The following MECR variants were observed in gnomAD, a reference collection of about 807,000 sequenced individuals.
MECR encodes the protein mitochondrial trans-2-enoyl-CoA reductase, also known as enoyl-[acyl-carrier-protein] reductase, mitochondrial.
A neutral mutation model predicts 49.1 loss-of-function variants in MECR; 37 were observed. That is an observed-to-expected ratio of 0.75 (90% CI 0.58 to 0.99). The LOEUF is 0.99. Among genes scored for constraint, MECR ranks in the 50% least tolerant of loss-of-function variants. The probability of loss-of-function intolerance (pLI) is 0.00; values close to 1 mark genes in which losing one functional copy is unlikely to be tolerated. For missense variants in MECR, 470 were observed against 479.6 expected (o/e 0.98, Z 0.19); for synonymous variants, 198 against 191.1 (o/e 1.04, Z -0.30).
the MECR span, chr1:29,181,595 C>T: frequency 1.4e-6 from 2 of 1,467,706 alleles, no homozygotes; most frequent in East Asian, 2.7e-5. Context: ...GCCTCCCCAC[C>T]ACCTATGGGG....
chr1:29,199,964 T>A (rs984101425), intron 7 of MECR, among the ~76,000 whole-genome samples: 3 of 152,026 alleles, frequency 2.0e-5, no homozygotes. Flanking sequence ...TCTCACTATG[T>A]TACCCAGGCT....
At chr1:29,216,544 G>T (rs768060790) in intron 2 of MECR, 44 bp downstream of exon 2, 7 of 1,582,008 alleles carry the variant, frequency 4.4e-6, no homozygotes, top group East Asian at 2.2e-5. Context: ...GGTGGCAGCT[G>T]AACAAAAAAG....
In MECR at chr1:29,194,168, C is replaced by A. The variant is rs773374221; in HGVS notation, c.976G>T (p.Glu326Ter). 1 of 1,607,740 alleles carries A rather than the reference C, an allele frequency of 6.2e-7. No individual in the cohort carries two copies. Among genetic ancestry groups the A allele is most frequent in the Non-Finnish European group, 8.5e-7 (1 of 1,177,062 alleles). ...KKDHSPDQFK[E>*]LILTLCDLIR... is the part of the protein sequence containing the mutation. ...AGATCGCACAGTGTGAGGATCAGCT[C>A]CTTGAACTGGTCTGCGGGAGGTTGG... The change falls in exon 10 of 10, where the codon GAG (glutamate) becomes TAG (stop). Residue 326 changes from glutamate (E) to a stop codon, truncating the protein, a stop_gained. Coordinates refer to ENST00000263702, the MANE Select transcript of MECR (RefSeq NM_016011.5). LOFTEE classifies it high-confidence loss of function.
At chr1:29,191,726 T>C (rs1166055338), downstream of MECR, among the ~76,000 whole-genome samples, 1 of 152,222 alleles carries the variant, frequency 6.6e-6, no homozygotes, top group Non-Finnish European at 1.5e-5. Flanking sequence ...TGAGTCCTTT[T>C]TTCCAGCGGA....
chr1:29,205,561 G>A (rs1676361274), intron 4 of MECR, among the ~76,000 whole-genome samples: 1 of 151,814 alleles, frequency 6.6e-6, no homozygotes, highest in Admixed American at 6.6e-5. Flanking sequence ...CTGGGGGTGG[G>A]TGGCTCGCGC....
At chr1:29,168,771 G>C in the MECR span, 1 of 152,144 alleles carries the variant, frequency 6.6e-6, no homozygotes, top group Non-Finnish European at 1.5e-5. Context: ...ATGAAGACTT[G>C]GATCTAGACG....
chr1:29,205,748 T>C (rs1676419797), intron 4 of MECR, among the ~76,000 whole-genome samples: 2 of 152,002 alleles, frequency 1.3e-5, no homozygotes, highest in African/African-American at 2.4e-5. Context: ...GAGAATCCCT[T>C]GAACCCGAGA....
chr1:29,209,468 G>A (rs1022587890), intron 3 of MECR, among the ~76,000 whole-genome samples: 5 of 152,134 alleles, frequency 3.3e-5, no homozygotes, highest in Admixed American at 2.6e-4. Context: ...TTTATTGCTG[G>A]GTGAAGACTG....
intron 1 of MECR, chr1:29,223,337 C>T: frequency 3.1e-6 from 3 of 970,038 alleles, no homozygotes; most frequent in Non-Finnish European, 3.7e-6. Flanking sequence ...GAAAAGAGGC[C>T]AGTACCCTGG....
chr1:29,203,254 C>T, intron 4 of MECR, 21 bp from the exon 5 acceptor site: 1 of 1,540,750 alleles, frequency 6.5e-7, no homozygotes, highest in South Asian at 1.2e-5. Context: ...AGGAAGAGAA[C>T]CAAATCAAGC....
In MECR at chr1:29,202,720, G is replaced by A. The variant is rs529783441; in HGVS notation, c.653+411C>T. On this transcript the variant is annotated intron_variant, in intron 5 of 9. Transcript: ENST00000263702. Reference sequence around the variant, plus strand: ...CCTGTCTCCTTCACGTCTGTATTTAGCGCACTTCCAAGTACCACACAAAAG... The same window carrying A: ...CCTGTCTCCTTCACGTCTGTATTTAACGCACTTCCAAGTACCACACAAAAG... 7.2e-4 allele frequency among the ~76,000 whole-genome samples: 109 copies of A among 152,288 alleles called. 4 individuals carry two copies. In the South Asian group the frequency reaches 0.022, roughly 30 times the overall value.
intron 1 of MECR, chr1:29,224,248 T>C (rs1411724085): frequency 1.3e-5 from 2 of 152,194 alleles, no homozygotes; most frequent in Non-Finnish European, 1.5e-5. Flanking sequence ...TGCAAGCTGC[T>C]TGGATCTCTT....
At chr1:29,203,255 C>A (rs1345981052) in intron 4 of MECR, 22 bp from the exon 5 acceptor site, 1 of 1,539,056 alleles carries the variant, frequency 6.5e-7, no homozygotes, top group South Asian at 1.2e-5. Context: ...GGAAGAGAAC[C>A]AAATCAAGCC....
the MECR span, among the ~76,000 whole-genome samples, chr1:29,174,193 C>CA: frequency 0.13 from 10,160 of 78,724 alleles, 388 homozygotes; most frequent in African/African-American, 0.16. Context: ...GACCCCATCT[C>CA]AAAAAAAAAA....
At chr1:29,175,652 G>A in the MECR span, among the ~76,000 whole-genome samples, 1 of 110,182 alleles carries the variant, frequency 9.1e-6, no homozygotes, top group Non-Finnish European at 1.7e-5. Context: ...CCGAGATTGC[G>A]CCACTGCACT....
chr1:29,205,635 G>A (rs1032403472), intron 4 of MECR, among the ~76,000 whole-genome samples: 1 of 151,526 alleles, frequency 6.6e-6, no homozygotes, highest in Admixed American at 6.6e-5. Context: ...TTAGAGACCA[G>A]CCTGGCCAAT....
chr1:29,223,628 G>A (rs1681330926), intron 1 of MECR: 1 of 152,286 alleles, frequency 6.6e-6, no homozygotes, highest in Non-Finnish European at 1.5e-5. Flanking sequence ...TGTCATCACA[G>A]GGCACCGGGT....
At chr1:29,168,181 AT>A in the MECR span, among the ~76,000 whole-genome samples, 9 of 127,016 alleles carry the variant, frequency 7.1e-5, no homozygotes, top group African/African-American at 1.8e-4. Flanking sequence ...TGCCCGGCAA[AT>A]TTTTTGTAAT....
At chr1:29,181,338 C>T in the MECR span, among the ~76,000 whole-genome samples, 1 of 152,236 alleles carries the variant, frequency 6.6e-6, no homozygotes, top group Non-Finnish European at 1.5e-5. Flanking sequence ...AAGGGAAAAC[C>T]CAGGTCTCCC....
Sources: gnomAD v4.1 joint callset for allele counts (sites outside exome capture counted in the v4.1 genomes callset) on GRCh38, gnomAD v4.1.1 for gene constraint, MANE v1.5 for transcripts, NCBI Gene and HGNC (gene_info 2026-07-23, HGNC 2026-07-21) for gene names.